The following ATP6V1H variants were observed in gnomAD, a reference collection of about 807,000 sequenced individuals.
The protein encoded by ATP6V1H is V-type proton ATPase subunit H.
In ATP6V1H, 39 loss-of-function variants were observed where a neutral mutation model predicts 71.7. The observed-to-expected ratio is 0.54, with a 90% CI of 0.42 to 0.71. The LOEUF is 0.71. ATP6V1H is among the 30% of genes least tolerant of loss of function. The pLI is 0.00. For synonymous variants in ATP6V1H, 192 were observed against 199.3 expected (o/e 0.96, Z 0.31); for missense variants, 509 against 594.9 (o/e 0.86, Z 1.50).
intron 12 of ATP6V1H, among the ~76,000 whole-genome samples, chr8:53,748,301 A>G (rs1056506495): frequency 6.6e-6 from 1 of 152,196 alleles, no homozygotes. Context: ...ATAAAGAGGT[A>G]ATGATAGTAT....
chr8:53,745,359 C>A (rs1036093491), intron 12 of ATP6V1H, among the ~76,000 whole-genome samples: 3 of 152,088 alleles, frequency 2.0e-5, no homozygotes, highest in African/African-American at 7.2e-5. Flanking sequence ...GATTGCACCA[C>A]TGCACTCCAG....
intron 11 of ATP6V1H, among the ~76,000 whole-genome samples, chr8:53,768,867 T>G (rs1808556668): frequency 6.6e-6 from 1 of 152,178 alleles, no homozygotes; most frequent in African/African-American, 2.4e-5. Context: ...TACAAATATC[T>G]GAATATACTA....
At chr8:53,784,749 T>G (rs1809306696) in intron 9 of ATP6V1H, among the ~76,000 whole-genome samples, 1 of 152,248 alleles carries the variant, frequency 6.6e-6, no homozygotes, top group South Asian at 2.1e-4. Context: ...ACAAAATCTC[T>G]CAGCATTTGC....
chr8:53,834,307 G>GA (rs777391358), intron 2 of ATP6V1H, among the ~76,000 whole-genome samples: 1 of 152,280 alleles, frequency 6.6e-6, no homozygotes, highest in East Asian at 1.9e-4. Context: ...CAGATTAAAT[G>GA]AAAAAATATA....
At chr8:53,817,599 C>T in intron 4 of ATP6V1H, 69 bp from the exon 5 acceptor site, 2 of 910,512 alleles carry the variant, frequency 2.2e-6, no homozygotes, top group Non-Finnish European at 1.7e-6. Flanking sequence ...GACTGTGCAC[C>T]ACTTCTCAAC....
chr8:53,824,431 T>C (rs1300034355), intron 4 of ATP6V1H, among the ~76,000 whole-genome samples: 2 of 152,080 alleles, frequency 1.3e-5, no homozygotes, highest in Admixed American at 6.6e-5. Context: ...TAAAATAAAA[T>C]TGTAAACCAA....
intron 7 of ATP6V1H, among the ~76,000 whole-genome samples, chr8:53,808,164 C>A (rs534401453): frequency 6.6e-6 from 1 of 152,134 alleles, no homozygotes; most frequent in African/African-American, 2.4e-5. Flanking sequence ...CTTGCCTATG[C>A]GTACTGTAAA....
At chr8:53,771,936 G>A in intron 10 of ATP6V1H, 53 bp downstream of exon 10, 2 of 1,526,042 alleles carry the variant, frequency 1.3e-6, no homozygotes, top group South Asian at 2.4e-5. Flanking sequence ...TGCTATGCAA[G>A]TCAAACAAAG....
At chr8:53,833,314 CGCATT>C in intron 2 of ATP6V1H, 1 of 478,230 alleles carries the variant, frequency 2.1e-6, no homozygotes, top group Non-Finnish European at 3.8e-6. Context: ...GAACAATAAT[CGCATT>C]GCCTCTAAGG....
chr8:53,758,684 A>C (rs1274070831), intron 11 of ATP6V1H, among the ~76,000 whole-genome samples: 1 of 152,186 alleles, frequency 6.6e-6, no homozygotes, highest in Non-Finnish European at 1.5e-5. Context: ...TCTGTATTTA[A>C]TCTTATTTTC....
chr8:53,790,047 G>C (rs1442960691), intron 9 of ATP6V1H, among the ~76,000 whole-genome samples: 2 of 152,156 alleles, frequency 1.3e-5, no homozygotes, highest in Admixed American at 1.3e-4. Flanking sequence ...AAAGCTTTCA[G>C]TACCAAGTTT....
At chr8:53,758,357 G>A (rs1808146264) in intron 11 of ATP6V1H, among the ~76,000 whole-genome samples, 1 of 152,070 alleles carries the variant, frequency 6.6e-6, no homozygotes, top group South Asian at 2.1e-4. Flanking sequence ...AGTCGTCAGA[G>A]CTATGTGAAA....
intron 7 of ATP6V1H, among the ~76,000 whole-genome samples, chr8:53,809,905 C>T (rs1014531130): frequency 2.0e-5 from 3 of 152,130 alleles, no homozygotes; most frequent in Admixed American, 2.0e-4. Flanking sequence ...TAGTTCTATA[C>T]CTTGTTCTGA....
intron 12 of ATP6V1H, among the ~76,000 whole-genome samples, chr8:53,754,090 C>T (rs1440864126): frequency 6.6e-6 from 1 of 152,134 alleles, no homozygotes; most frequent in Non-Finnish European, 1.5e-5. Flanking sequence ...TTAGAGAAAC[C>T]CCAATCTCTC....
At chr8:53,764,643 A>G (rs1808386558) in intron 11 of ATP6V1H, among the ~76,000 whole-genome samples, 1 of 152,210 alleles carries the variant, frequency 6.6e-6, no homozygotes, top group Non-Finnish European at 1.5e-5. Flanking sequence ...GTACCCTCTC[A>G]TCACTCTATT....
At chr8:53,831,609 G>C (rs145593837) in intron 3 of ATP6V1H, among the ~76,000 whole-genome samples, 1 of 152,258 alleles carries the variant, frequency 6.6e-6, no homozygotes, top group Non-Finnish European at 1.5e-5. Flanking sequence ...GCTAGACCCA[G>C]AGGGGGTGCT....
At chr8:53,793,598 T>A (rs1398725506) in intron 9 of ATP6V1H, among the ~76,000 whole-genome samples, 1 of 151,710 alleles carries the variant, frequency 6.6e-6, no homozygotes, top group African/African-American at 2.4e-5. Flanking sequence ...TAAGCTATGA[T>A]CACGCCACTC....
chr8:53,806,124 G>A (rs565762221), intron 7 of ATP6V1H, among the ~76,000 whole-genome samples: 1 of 152,220 alleles, frequency 6.6e-6, no homozygotes, highest in South Asian at 2.1e-4. Context: ...AATAGAGAGG[G>A]AGAAGGACAG....
At chr8:53,826,767 T>TA (rs1179956471) in intron 4 of ATP6V1H, among the ~76,000 whole-genome samples, 1 of 149,930 alleles carries the variant, frequency 6.7e-6, no homozygotes, top group Non-Finnish European at 1.5e-5. Context: ...GCCAACATGG[T>TA]AAAACCCCGT....
Sources: gnomAD v4.1 joint callset for allele counts (sites outside exome capture counted in the v4.1 genomes callset) on GRCh38, gnomAD v4.1.1 for gene constraint, MANE v1.5 for transcripts, NCBI Gene and HGNC (gene_info 2026-07-23, HGNC 2026-07-21) for gene names.